TMCC1: variants seen among roughly 807,000 people sequenced by gnomAD.
The protein encoded by TMCC1 is transmembrane and coiled-coil domain family 1.
Under a neutral mutation model 52.4 loss-of-function variants are expected in TMCC1, and 15 were observed. The observed-to-expected ratio is 0.29, with a 90% CI of 0.19 to 0.44. The LOEUF (loss-of-function observed/expected upper bound fraction) is 0.44, where lower values mean the gene tolerates loss of function less well. Among genes scored for constraint, TMCC1 ranks in the 20% least tolerant of loss-of-function variants. The pLI is 1.00. For synonymous variants in TMCC1, 279 were observed against 301.9 expected, an observed-to-expected ratio of 0.92 and a Z score of 0.79; for missense variants, 503 against 806.0, an observed-to-expected ratio of 0.62 and a Z score of 4.55.
At chr3:129,666,566 C>T (rs2087471663) in intron 5 of TMCC1, among the ~76,000 whole-genome samples, 1 of 151,468 alleles carries the variant, frequency 6.6e-6, no homozygotes, top group African/African-American at 2.4e-5. Context: ...TGGTAAAACC[C>T]CGCCTCTCTT....
rs1001286890 is a variant in TMCC1, at chr3:129,716,162, CTTTGTTTTT to C, written c.577-44907_577-44899del. Among the ~76,000 whole-genome samples the C allele has an allele frequency of 1.5e-3, 29 of 18,940 alleles. No individual in the cohort carries two copies. The South Asian group carries it at 0.075, about 49-fold the overall frequency. The allele number at this position is 18,940 out of a possible 152,430, so 12.4% of individuals were successfully genotyped here. A position where few individuals can be genotyped will look rare whatever the true frequency, so the allele number is the denominator to read the frequency against. ...GTTTCAGCCACTTTTTTTCTTTTTT[CTTTGTTTTT>C]TTTTTTTTGAGATGGAGTTTAGCTT... On this transcript the variant is annotated intron_variant, in intron 4 of 6. Transcript: ENST00000393238.
chr3:129,703,909 T>G (rs937725488), intron 4 of TMCC1, among the ~76,000 whole-genome samples: 4 of 152,210 alleles, frequency 2.6e-5, no homozygotes, highest in Admixed American at 6.5e-5. Context: ...GCATTTTGCC[T>G]TCTTTGGTAG....
intron 4 of TMCC1, among the ~76,000 whole-genome samples, chr3:129,810,705 G>A (rs773230214): frequency 3.9e-5 from 6 of 152,160 alleles, no homozygotes; most frequent in Non-Finnish European, 7.4e-5. Context: ...TGACATCAAC[G>A]AATATGGAAG....
At chr3:129,690,603 G>C (rs1296936209) in intron 4 of TMCC1, among the ~76,000 whole-genome samples, 1 of 152,154 alleles carries the variant, frequency 6.6e-6, no homozygotes, top group African/African-American at 2.4e-5. Context: ...GGAAGTGAGT[G>C]TGTAACCTAA....
intron 4 of TMCC1, among the ~76,000 whole-genome samples, chr3:129,759,942 C>T (rs1263141778): frequency 9.9e-5 from 15 of 151,494 alleles, no homozygotes; most frequent in African/African-American, 3.4e-4. Context: ...AGGATGGTCT[C>T]GATCTCCTGA....
At chr3:129,804,440 G>C (rs2057353823) in intron 4 of TMCC1, among the ~76,000 whole-genome samples, 1 of 151,948 alleles carries the variant, frequency 6.6e-6, no homozygotes, top group South Asian at 2.1e-4. Context: ...ACCTCCATTA[G>C]GCCTCCCCTG....
At chr3:129,733,084 G>C (rs960909540) in intron 4 of TMCC1, among the ~76,000 whole-genome samples, 1 of 152,122 alleles carries the variant, frequency 6.6e-6, no homozygotes, top group Admixed American at 6.6e-5. Flanking sequence ...TTTAAGATAC[G>C]TCTTTTGGAG....
intron 4 of TMCC1, among the ~76,000 whole-genome samples, chr3:129,788,868 T>A (rs1248998793): frequency 6.6e-6 from 1 of 152,192 alleles, no homozygotes; most frequent in Non-Finnish European, 1.5e-5. Context: ...TGTTGGATAT[T>A]TGAGTATTCA....
intron 4 of TMCC1, among the ~76,000 whole-genome samples, chr3:129,807,939 A>T (rs2057555203): frequency 6.6e-6 from 1 of 152,238 alleles, no homozygotes; most frequent in Admixed American, 6.5e-5. Flanking sequence ...AAGGAGTCCC[A>T]GAACAAAAGA....
chr3:129,760,454 C>CTGTGTGTGTGTGTGTGTGTGTGTG (rs61394124), intron 4 of TMCC1, among the ~76,000 whole-genome samples: 2 of 128,978 alleles, frequency 1.6e-5, no homozygotes, highest in Non-Finnish European at 3.3e-5. Context: ...CAGTCTCGCT[C>CTGTGTGTGTGTGTGTGTGTGTGTG]TGTGTGTGTG....
At chr3:129,886,774 C>CAA (rs112682380) in intron 1 of TMCC1, among the ~76,000 whole-genome samples, 2 of 129,366 alleles carry the variant, frequency 1.5e-5, no homozygotes, top group East Asian at 2.2e-4. Context: ...ACCGTTTCTA[C>CAA]AAAAAAAAAA....
intron 4 of TMCC1, among the ~76,000 whole-genome samples, chr3:129,684,299 G>A (rs2089240965): frequency 6.6e-6 from 1 of 152,214 alleles, no homozygotes; most frequent in Non-Finnish European, 1.5e-5. Context: ...AAAGACTTCT[G>A]AAAAGGCAAA....
chr3:129,849,010 T>A (rs1440428572), intron 2 of TMCC1, among the ~76,000 whole-genome samples: 1 of 152,218 alleles, frequency 6.6e-6, no homozygotes, highest in Non-Finnish European at 1.5e-5. Context: ...AATATGCACA[T>A]GGAAAACACT....
intron 4 of TMCC1, among the ~76,000 whole-genome samples, chr3:129,672,498 G>A (rs2088039142): frequency 6.6e-6 from 1 of 152,048 alleles, no homozygotes; most frequent in South Asian, 2.1e-4. Flanking sequence ...TAGTAGGGAA[G>A]CTGAGGTGGG....
chr3:129,884,310 TTAAAA>T (rs2061594639), intron 1 of TMCC1, among the ~76,000 whole-genome samples: 1 of 152,084 alleles, frequency 6.6e-6, no homozygotes, highest in African/African-American at 2.4e-5. Flanking sequence ...ATTTACATTA[TTAAAA>T]TAAAGAAAAA....
At chr3:129,706,263 G>C (rs1410375576) in intron 4 of TMCC1, among the ~76,000 whole-genome samples, 1 of 151,660 alleles carries the variant, frequency 6.6e-6, no homozygotes, top group Admixed American at 6.6e-5. Context: ...GGAGTGCAGT[G>C]CGCGATCTCG....
chr3:129,870,905 A>C (rs1208145985), intron 2 of TMCC1, among the ~76,000 whole-genome samples: 1 of 152,148 alleles, frequency 6.6e-6, no homozygotes, highest in Non-Finnish European at 1.5e-5. Flanking sequence ...TGACAGTCCA[A>C]GAACAAAGGG....
chr3:129,734,666 G>A (rs567442373), intron 4 of TMCC1, among the ~76,000 whole-genome samples: 1 of 152,264 alleles, frequency 6.6e-6, no homozygotes, highest in Non-Finnish European at 1.5e-5. Flanking sequence ...ATGGGTGACA[G>A]AGGGAGATTC....
chr3:129,765,092 G>A (rs2054016162), intron 4 of TMCC1, among the ~76,000 whole-genome samples: 1 of 150,754 alleles, frequency 6.6e-6, no homozygotes, highest in Admixed American at 6.6e-5. Context: ...ATGAGCCACT[G>A]CACCTAGCTT....
Sources: allele counts gnomAD v4.1 joint callset (sites outside exome capture counted in the v4.1 genomes callset), GRCh38; gene constraint gnomAD v4.1.1; transcripts MANE v1.5; gene names NCBI Gene and HGNC (gene_info 2026-07-23, HGNC 2026-07-21).